The following APOL6 variants were observed in gnomAD, a reference collection of about 807,000 sequenced individuals.
APOL6 encodes the protein apolipoprotein L6, also known as apolipoprotein L, 6.
APOL6 carries 1 observed loss-of-function variant against 2.4 expected under a neutral mutation model. The ratio of observed to expected loss-of-function variants is 0.41; its 90% CI spans 0.15 to 1.94. The LOEUF is 1.94. Among genes scored for constraint, APOL6 ranks in the 30% most tolerant of loss-of-function variants. The probability of loss-of-function intolerance (pLI) is 0.30; values close to 1 mark genes in which losing one functional copy is unlikely to be tolerated. For synonymous variants in APOL6, 189 were observed against 169.3 expected (o/e 1.12, Z -0.90); for missense variants, 438 against 429.2 (o/e 1.02, Z -0.18).
chr22:35,658,690 T>C lies in APOL6; in HGVS notation c.126T>C (p.Phe42=), dbSNP rs1480570400. ...ATCTGTCCCCCGAAGAAAAAATATT[T>C]TTGAGAGAATTTCCCAGATTGAAAG... is the stretch of plus-strand genomic sequence containing the variant. ...DGDLSPEEKI[F]LREFPRLKED... is the part of the protein sequence containing the mutation. The change falls in exon 3 of 3, where the codon TTT becomes TTC. Residue 42 remains phenylalanine (F), a synonymous_variant. Transcript: ENST00000409652. 2 of 1,614,148 alleles carry C rather than the reference T, an allele frequency of 1.2e-6. No individual in the cohort carries two copies. The highest frequency in any genetic ancestry group is 3.3e-5 in the Admixed American group (2 of 60,020).
rs60161381 is a variant in APOL6 at position 35,661,357 on chromosome 22, CAAAAAAAAAAAA to C, written c.*1774_*1785del. On this transcript the variant is annotated 3_prime_UTR_variant, in exon 3 of 3. Coordinates refer to ENST00000409652, the MANE Select transcript of APOL6 (RefSeq NM_030641.4). Reference sequence around the variant, plus strand: ...TGGGTGTCAGAATGAGACCCCATCTCAAAAAAAAAAAAAAAAAAAAAAAAGAAGAAGAATACA... The same window carrying C: ...TGGGTGTCAGAATGAGACCCCATCTCAAAAAAAAAAAAGAAGAAGAATACA... 2.3e-5 allele frequency: 1 copy of C among 42,556 alleles called. No individual in the cohort carries two copies. The allele number at this position is 42,556 out of a possible 1,614,324, so 2.6% of individuals were successfully genotyped here. A position where few individuals can be genotyped will look rare whatever the true frequency, so the allele number is the denominator to read the frequency against.
In APOL6 at chr22:35,667,778, T is replaced by C. The variant is rs1925227861; in HGVS notation, c.*8182T>C. On this transcript the variant is annotated 3_prime_UTR_variant, in exon 3 of 3. Transcript: ENST00000409652. ...GGAGTTTTCCTGTGATTAGTGTTTT[T>C]GGTGTTGTTTTATTTTTTTTCTTAC... 6.6e-6 allele frequency: 1 copy of C among 152,242 alleles called. No homozygotes were observed. The highest frequency in any genetic ancestry group is 1.5e-5 in the Non-Finnish European group (1 of 68,048). The allele number at this position is 152,242 out of a possible 1,614,324, so 9.4% of individuals were successfully genotyped here.
intron 1 of APOL6, among the ~76,000 whole-genome samples, chr22:35,652,981 C>A (rs1277623247): frequency 1.3e-5 from 2 of 151,578 alleles, no homozygotes; most frequent in Non-Finnish European, 2.9e-5. Context: ...TATAAATTAC[C>A]TTGGGCAGTA....
chr22:35,649,161 C>T (rs965255575), intron 1 of APOL6, among the ~76,000 whole-genome samples: 10 of 152,246 alleles, frequency 6.6e-5, no homozygotes, highest in East Asian at 1.9e-4. Context: ...CTAGGCCAGG[C>T]GCAGTGGCTC....
At position 35,668,105 on chromosome 22, in the gene APOL6, CACAACCTCTT is replaced by C. The variant is rs1413330994; in HGVS notation, c.*8516_*8525del. 1 of 152,202 alleles carries C rather than the reference CACAACCTCTT, an allele frequency of 6.6e-6. No homozygotes were observed. Among genetic ancestry groups the C allele is most frequent in the African/African-American group, 2.4e-5 (1 of 41,442 alleles). The allele number at this position is 152,202 out of a possible 1,614,324, so 9.4% of individuals were successfully genotyped here. On this transcript the variant is annotated 3_prime_UTR_variant, in exon 3 of 3. Transcript: ENST00000409652. ...ATCTGCATGATAAAACTTTGGTCTC[CACAACCTCTT>C]ACAACCCAGGCATTCCTTTCTATCG... is the stretch of plus-strand genomic sequence containing the variant.
intron 1 of APOL6, among the ~76,000 whole-genome samples, chr22:35,655,626 G>A (rs1924825023): frequency 6.6e-6 from 1 of 152,010 alleles, no homozygotes; most frequent in Non-Finnish European, 1.5e-5. Context: ...TCTGTTGATT[G>A]ATGTATTTGA....
chr22:35,660,255 C>T lies in APOL6; in HGVS notation c.*659C>T, dbSNP rs968728816. 4.6e-5 allele frequency: 7 copies of T among 152,418 alleles called. No individual in the cohort carries two copies. The highest frequency in any genetic ancestry group is 1.7e-4 in the African/African-American group (7 of 41,456). The allele number at this position is 152,418 out of a possible 1,614,324, so 9.4% of individuals were successfully genotyped here. ...TGAGGTCCTAACCCGATGGAATTGA[C>T]TTCTTTATAAGAGGAGGAGGAAATA... On this transcript the variant is annotated 3_prime_UTR_variant, in exon 3 of 3. Transcript: ENST00000409652.
At chr22:35,656,806 A>G (rs1328062323) in intron 2 of APOL6, among the ~76,000 whole-genome samples, 1 of 152,146 alleles carries the variant, frequency 6.6e-6, no homozygotes, top group Non-Finnish European at 1.5e-5. Context: ...CAGCTCATAT[A>G]TCACCAAGGA....
intron 1 of APOL6, among the ~76,000 whole-genome samples, chr22:35,653,628 G>A (rs1182567758): frequency 2.0e-5 from 3 of 152,176 alleles, no homozygotes; most frequent in East Asian, 3.8e-4. Flanking sequence ...AAGGGCAAGA[G>A]GGCGTGTGCG....
rs1326697605 is a variant in APOL6, at chr22:35,658,955, G to A, written c.391G>A (p.Glu131Lys). The A allele has an allele frequency of 1.2e-6, 2 of 1,613,878 alleles. No individual in the cohort carries two copies. The highest frequency in any genetic ancestry group is 1.7e-5 in the Admixed American group (1 of 60,008). ...CACCAGCATCGTGAGTGGTACGTTGGAACGCTCCAAAAATAAAGAAGCCCA... is the reference window on the plus strand; with the variant it reads ...CACCAGCATCGTGAGTGGTACGTTGAAACGCTCCAAAAATAAAGAAGCCCA... The part of the protein sequence containing the change: ...GVTSIVSGTL[E>K]RSKNKEAQAR... The change falls in exon 3 of 3, where the codon GAA becomes AAA. Residue 131 changes from glutamate (E) to lysine (K), a missense_variant. By Grantham distance (56) the Glu-to-Lys change is moderately conservative (BLOSUM62 1). Transcript: ENST00000409652.
Position 35,659,827 on chromosome 22 carries a change from GTA to G in APOL6, c.*232_*233del. On this transcript the variant is annotated 3_prime_UTR_variant, in exon 3 of 3. Transcript: ENST00000409652. Reference sequence around the variant, plus strand: ...GTTGCCCAGGCTGGAGTGCAGTGGCGTAATCTCGGCTCACTGCAACCTCTGCC... The same window carrying G: ...GTTGCCCAGGCTGGAGTGCAGTGGCGATCTCGGCTCACTGCAACCTCTGCC... The G allele has an allele frequency of 1.6e-6, 1 of 639,478 alleles. No individual in the cohort carries two copies. The highest frequency in any genetic ancestry group is 2.5e-6 in the Non-Finnish European group (1 of 398,346). The allele number at this position is 639,478 out of a possible 1,614,324, so 39.6% of individuals were successfully genotyped here.
At chr22:35,655,852 A>G (rs905184189) in intron 1 of APOL6, among the ~76,000 whole-genome samples, 4 of 152,152 alleles carry the variant, frequency 2.6e-5, no homozygotes, top group Non-Finnish European at 4.4e-5. Flanking sequence ...GCTTCAATAC[A>G]TCTCCAACAA....
Position 35,665,475 on chromosome 22 carries a change from G to T in APOL6, c.*5879G>T, listed in dbSNP as rs1266985615. 6.6e-6 allele frequency: 1 copy of T among 152,132 alleles called. No homozygotes were observed. 9.4% of individuals were successfully genotyped at this position (152,132 alleles called of 1,614,324 possible). ...GCGTAAGATTGTAAGGGCCGATTTT[G>T]AAAGATCCAGTAAGTTCAGTTTCTC... On this transcript the variant is annotated 3_prime_UTR_variant, in exon 3 of 3. Coordinates refer to ENST00000409652, the MANE Select transcript of APOL6 (RefSeq NM_030641.4).
intron 1 of APOL6, among the ~76,000 whole-genome samples, chr22:35,654,388 T>C (rs1334156924): frequency 6.6e-6 from 1 of 152,126 alleles, no homozygotes; most frequent in Non-Finnish European, 1.5e-5. Flanking sequence ...AGTCACCTCA[T>C]TAACATAAAC....
rs1247426804 is a variant in APOL6, at chr22:35,665,864, T to G, written c.*6268T>G. The G allele has an allele frequency of 6.6e-6, 1 of 152,218 alleles. No homozygotes were observed. Among genetic ancestry groups the G allele is most frequent in the Non-Finnish European group, 1.5e-5 (1 of 68,028 alleles). The allele number at this position is 152,218 out of a possible 1,614,324, so 9.4% of individuals were successfully genotyped here. A position where few individuals can be genotyped will look rare whatever the true frequency, so the allele number is the denominator to read the frequency against. ...TTTGTAATGTCAAGTGTTTTAAACC[T>G]TTTGTATTTGACAAGCTTTCCAAAA... On this transcript the variant is annotated 3_prime_UTR_variant, in exon 3 of 3. Transcript: ENST00000409652.
rs1451202752 is a variant in APOL6, at chr22:35,661,631, T to C, written c.*2035T>C. ...GGAAATATTTGTGTATCTAAACATA[T>C]GTAAACAGAGAAAAAGGAAAGTAAA... is the stretch of plus-strand genomic sequence containing the variant. On this transcript the variant is annotated 3_prime_UTR_variant, in exon 3 of 3. Transcript: ENST00000409652. 2 of 152,146 alleles carry C rather than the reference T, an allele frequency of 1.3e-5. No individual in the cohort carries two copies. The highest frequency in any genetic ancestry group is 4.8e-5 in the African/African-American group (2 of 41,420). The allele number at this position is 152,146 out of a possible 1,614,324, so 9.4% of individuals were successfully genotyped here.
At position 35,666,911 on chromosome 22, in the gene APOL6, A is replaced by G. The variant is rs1341347622; in HGVS notation, c.*7315A>G. On this transcript the variant is annotated 3_prime_UTR_variant, in exon 3 of 3. Transcript: ENST00000409652. ...GAGCATATTTGTTTCTCTCTACCTG[A>G]TTTCTCCAGAATTCAGAAACTATTT... is the stretch of plus-strand genomic sequence containing the variant. The G allele has an allele frequency of 2.0e-5, 3 of 152,184 alleles. No homozygotes were observed. The highest frequency in any genetic ancestry group is 4.4e-5 in the Non-Finnish European group (3 of 68,032). The allele number at this position is 152,184 out of a possible 1,614,324, so 9.4% of individuals were successfully genotyped here.
In APOL6 at chr22:35,663,360, G is replaced by A. The variant is rs898882825; in HGVS notation, c.*3764G>A. 2.0e-5 allele frequency: 3 copies of A among 151,616 alleles called. No individual in the cohort carries two copies. The highest frequency in any genetic ancestry group is 7.3e-5 in the African/African-American group (3 of 41,142). 9.4% of individuals were successfully genotyped at this position (151,616 alleles called of 1,614,324 possible). ...TTTGGTAATAAGATTTTTTTTTTAA[G>A]TTTTTAAAGAAGCTCAGTGGTTGAA... On this transcript the variant is annotated 3_prime_UTR_variant, in exon 3 of 3. Transcript: ENST00000409652.
At chr22:35,654,945 C>G (rs117616249) in intron 1 of APOL6, among the ~76,000 whole-genome samples, 1 of 151,990 alleles carries the variant, frequency 6.6e-6, no homozygotes, top group Non-Finnish European at 1.5e-5. Flanking sequence ...AACTTTAGAC[C>G]CTTATAGGCC....
Sources: gnomAD v4.1 joint callset for allele counts (sites outside exome capture counted in the v4.1 genomes callset) on GRCh38, gnomAD v4.1.1 for gene constraint, MANE v1.5 for transcripts, NCBI Gene and HGNC (gene_info 2026-07-23, HGNC 2026-07-21) for gene names.